NFIA: variants seen among roughly 807,000 people sequenced by gnomAD.
The protein encoded by NFIA is nuclear factor I A.
A neutral mutation model predicts 62.8 loss-of-function variants in NFIA; 8 were observed. The ratio of observed to expected loss-of-function variants is 0.13; its 90% confidence interval spans 0.07 to 0.23. The LOEUF is 0.23. Ranked by LOEUF, NFIA falls within the 10% of genes least tolerant of loss-of-function variation. The pLI is 1.00. For missense variants in NFIA, 410 were observed against 642.1 expected (o/e 0.64, Z 3.91); for synonymous variants, 235 against 238.1 (o/e 0.99, Z 0.12).
At chr1:61,320,976 A>G (rs890875541) in intron 3 of NFIA, among the ~76,000 whole-genome samples, 6 of 152,176 alleles carry the variant, frequency 3.9e-5, no homozygotes, top group African/African-American at 1.2e-4. Context: ...TTCATTTGCA[A>G]ATTACCAGTT....
intron 2 of NFIA, among the ~76,000 whole-genome samples, chr1:61,256,794 T>C (rs534692853): frequency 6.6e-6 from 1 of 152,282 alleles, no homozygotes; most frequent in East Asian, 1.9e-4. Flanking sequence ...AAATGATCCT[T>C]GTATCATTTA....
intron 7 of NFIA, among the ~76,000 whole-genome samples, chr1:61,386,680 T>C (rs1395527776): frequency 6.6e-6 from 1 of 152,224 alleles, no homozygotes; most frequent in African/African-American, 2.4e-5. Context: ...ATTTGGAAAT[T>C]TCACAGCCAC....
At chr1:61,203,705 A>G (rs537425799) in intron 2 of NFIA, among the ~76,000 whole-genome samples, 23 of 152,232 alleles carry the variant, frequency 1.5e-4, no homozygotes, top group Non-Finnish European at 2.6e-4. Flanking sequence ...GAGGTCTCCT[A>G]CACCGGGCCA....
chr1:61,208,833 G>T (rs1360406505), intron 2 of NFIA, among the ~76,000 whole-genome samples: 2 of 152,008 alleles, frequency 1.3e-5, no homozygotes, highest in Non-Finnish European at 2.9e-5. Context: ...AACATGTCTG[G>T]AGTCTAAGAT....
chr1:61,411,720 CCG>C (rs1248063513), intron 9 of NFIA, among the ~76,000 whole-genome samples: 8 of 151,450 alleles, frequency 5.3e-5, no homozygotes, highest in Non-Finnish European at 8.8e-5. Context: ...GGAAATCAAG[CCG>C]AGAGGGGAGG....
chr1:61,147,475 G>A (rs957168952), intron 2 of NFIA, among the ~76,000 whole-genome samples: 2 of 152,172 alleles, frequency 1.3e-5, no homozygotes, highest in African/African-American at 4.8e-5. Context: ...CTTAAAATCA[G>A]TTTTAGTCAC....
At chr1:61,369,099 G>A (rs187808661) in intron 6 of NFIA, among the ~76,000 whole-genome samples, 5 of 152,296 alleles carry the variant, frequency 3.3e-5, no homozygotes, top group Admixed American at 3.3e-4. Context: ...CGTTAAAGGA[G>A]CAGCAGTGAA....
At chr1:61,112,102 C>T (rs1448680465) in intron 2 of NFIA, among the ~76,000 whole-genome samples, 1 of 141,608 alleles carries the variant, frequency 7.1e-6, no homozygotes, top group Admixed American at 7.6e-5. Context: ...GAAGCTTAAT[C>T]CTATTTGTCC....
At chr1:61,300,644 C>CAT (rs200736747) in intron 3 of NFIA, among the ~76,000 whole-genome samples, 1,796 of 151,842 alleles carry the variant, frequency 0.012, 55 homozygotes, top group Non-Finnish European at 0.012. Flanking sequence ...TACATATACA[C>CAT]ATATATATAT....
chr1:61,336,795 C>T (rs1661632630), intron 4 of NFIA, among the ~76,000 whole-genome samples: 1 of 152,170 alleles, frequency 6.6e-6, no homozygotes, highest in Non-Finnish European at 1.5e-5. Flanking sequence ...TCTTAACCTT[C>T]TGTTATCTAT....
chr1:61,162,374 G>A (rs184803644), intron 2 of NFIA, among the ~76,000 whole-genome samples: 32 of 152,320 alleles, frequency 2.1e-4, no homozygotes, highest in African/African-American at 4.6e-4. Context: ...AACTGTGCAC[G>A]TAGTTCGAAA....
chr1:61,129,543 A>G (rs1647037586), intron 2 of NFIA, among the ~76,000 whole-genome samples: 1 of 148,776 alleles, frequency 6.7e-6, no homozygotes, highest in Admixed American at 6.8e-5. Flanking sequence ...TCCATCTCCC[A>G]GATTCAAGCG....
At chr1:61,131,376 T>G (rs1647076791) in intron 2 of NFIA, among the ~76,000 whole-genome samples, 1 of 152,186 alleles carries the variant, frequency 6.6e-6, no homozygotes, top group South Asian at 2.1e-4. Context: ...AATTACTTTG[T>G]TCATTGACAT....
chr1:61,205,978 G>A (rs999489235), intron 2 of NFIA, among the ~76,000 whole-genome samples: 1 of 140,178 alleles, frequency 7.1e-6, no homozygotes. Context: ...GTGCAGTGAT[G>A]CAATCATGGC....
chr1:61,169,850 G>A lies in NFIA; in HGVS notation c.559+81170G>A, dbSNP rs117678324. 1.7e-3 allele frequency among the ~76,000 whole-genome samples: 263 copies of A among 152,246 alleles called. 2 individuals are homozygous for A. The East Asian group carries it at 0.024, about 14-fold the overall frequency. ...TAGCTGCTCAAGAAATGGTCATTGAGCCATATTAGTTGAGTAAACCAGTTT... is the reference window on the plus strand; with the variant it reads ...TAGCTGCTCAAGAAATGGTCATTGAACCATATTAGTTGAGTAAACCAGTTT... On this transcript the variant is annotated intron_variant, in intron 2 of 10. Transcript: ENST00000403491.
At chr1:61,216,583 G>A (rs1455065715) in intron 2 of NFIA, among the ~76,000 whole-genome samples, 1 of 152,086 alleles carries the variant, frequency 6.6e-6, no homozygotes, top group Non-Finnish European at 1.5e-5. Context: ...TGATTGCTCA[G>A]GTAAATTAAT....
At chr1:61,393,001 A>G (rs1401978505) in intron 7 of NFIA, among the ~76,000 whole-genome samples, 1 of 152,042 alleles carries the variant, frequency 6.6e-6, no homozygotes, top group Non-Finnish European at 1.5e-5. Context: ...TACATAGTGA[A>G]GGCAGTGGTT....
intron 2 of NFIA, among the ~76,000 whole-genome samples, chr1:61,128,915 GTT>G (rs10635152): frequency 9.4e-5 from 7 of 74,122 alleles, no homozygotes; most frequent in African/African-American, 2.3e-4. Context: ...GCTTACTTAT[GTT>G]TTTTTTTTTT....
chr1:61,396,439 A>C (rs923996539), intron 7 of NFIA, among the ~76,000 whole-genome samples: 1 of 151,974 alleles, frequency 6.6e-6, no homozygotes, highest in South Asian at 2.1e-4. Flanking sequence ...TAGAGATGAA[A>C]TCTCACTGTG....
Sources: allele counts gnomAD v4.1 joint callset (sites outside exome capture counted in the v4.1 genomes callset), GRCh38; gene constraint gnomAD v4.1.1; transcripts MANE v1.5; gene names NCBI Gene and HGNC (gene_info 2026-07-23, HGNC 2026-07-21).